RBMS1: variants seen among roughly 807,000 people sequenced by gnomAD.
RBMS1 encodes RNA-binding motif, single-stranded-interacting protein 1.
Under a neutral mutation model 62.3 loss-of-function variants are expected in RBMS1, and 17 were observed. The observed-to-expected ratio is 0.27, with a 90% CI of 0.19 to 0.41. The LOEUF is 0.41. Ranked by LOEUF, RBMS1 falls within the 10% of genes least tolerant of loss-of-function variation. RBMS1 has a pLI of 1.00. For missense variants in RBMS1, 334 were observed against 504.5 expected, an observed-to-expected ratio of 0.66 and a Z score of 3.24; for synonymous variants, 172 against 170.0, an observed-to-expected ratio of 1.01 and a Z score of -0.09.
At chr2:160,449,594 A>G (rs1053119448) in intron 1 of RBMS1, among the ~76,000 whole-genome samples, 3 of 152,140 alleles carry the variant, frequency 2.0e-5, no homozygotes, top group African/African-American at 7.2e-5. Context: ...GGGCGGTGCA[A>G]GATGTGCTTT....
At chr2:160,275,397 T>A (rs1687781047) in intron 13 of RBMS1, 1 of 608,210 alleles carries the variant, frequency 1.6e-6, no homozygotes, top group African/African-American at 1.9e-5. Context: ...TTCTTTTTAG[T>A]GGGGAGAGTA....
intron 2 of RBMS1, among the ~76,000 whole-genome samples, chr2:160,324,136 G>A (rs1251059322): frequency 6.6e-6 from 1 of 152,206 alleles, no homozygotes; most frequent in Non-Finnish European, 1.5e-5. Flanking sequence ...AAGAAAAGTA[G>A]GTTGAAAAAT....
At chr2:160,327,966 T>C (rs1025122608) in intron 2 of RBMS1, among the ~76,000 whole-genome samples, 1 of 152,248 alleles carries the variant, frequency 6.6e-6, no homozygotes, top group African/African-American at 2.4e-5. Context: ...TAATGTATTT[T>C]CTTTGCTTTG....
At chr2:160,404,361 C>G (rs1466653989) in intron 1 of RBMS1, among the ~76,000 whole-genome samples, 1 of 152,160 alleles carries the variant, frequency 6.6e-6, no homozygotes, top group Non-Finnish European at 1.5e-5. Context: ...ACCACCGCTG[C>G]TTTAACTGAA....
chr2:160,389,560 G>C (rs1217229426), intron 1 of RBMS1, among the ~76,000 whole-genome samples: 1 of 151,546 alleles, frequency 6.6e-6, no homozygotes, highest in African/African-American at 2.4e-5. Context: ...TAGCCAGGCG[G>C]GGTGGCGCAC....
intron 1 of RBMS1, among the ~76,000 whole-genome samples, chr2:160,466,824 G>A (rs186248746): frequency 9.6e-4 from 146 of 152,288 alleles, no homozygotes; most frequent in African/African-American, 2.6e-3. Context: ...GAAGTGTGAC[G>A]GAGGTTTCAA....
intron 1 of RBMS1, among the ~76,000 whole-genome samples, chr2:160,372,707 A>T (rs1271572192): frequency 1.3e-5 from 2 of 152,226 alleles, no homozygotes; most frequent in East Asian, 1.9e-4. Context: ...CCTTTTGGCC[A>T]TATGAGTGAC....
chr2:160,478,622 A>T (rs367597319), intron 1 of RBMS1, among the ~76,000 whole-genome samples: 2 of 152,210 alleles, frequency 1.3e-5, no homozygotes, highest in African/African-American at 4.8e-5. Context: ...AATCTTTTGT[A>T]AATTGTGGAA....
chr2:160,360,795 C>G (rs972053453), intron 2 of RBMS1, among the ~76,000 whole-genome samples: 49 of 152,186 alleles, frequency 3.2e-4, no homozygotes, highest in Admixed American at 2.6e-4. Context: ...TCTGGCTTCT[C>G]CCAGTACACC....
chr2:160,424,806 G>A (rs916547427), intron 1 of RBMS1, among the ~76,000 whole-genome samples: 1 of 152,106 alleles, frequency 6.6e-6, no homozygotes, highest in Non-Finnish European at 1.5e-5. Context: ...GCAAAGGGAT[G>A]AAGAATTGAG....
chr2:160,493,085 C>G (rs1048192185), intron 1 of RBMS1: 2 of 549,768 alleles, frequency 3.6e-6, no homozygotes, highest in Non-Finnish European at 6.3e-6. Flanking sequence ...TTCTGTAACC[C>G]GATCCCCGCA....
chr2:160,358,833 C>T (rs1372389029), intron 2 of RBMS1, among the ~76,000 whole-genome samples: 1 of 151,884 alleles, frequency 6.6e-6, no homozygotes, highest in Non-Finnish European at 1.5e-5. Context: ...GAACTATTTG[C>T]CCACAACCCT....
intron 1 of RBMS1, among the ~76,000 whole-genome samples, chr2:160,407,152 G>C (rs1695769222): frequency 6.6e-6 from 1 of 152,182 alleles, no homozygotes; most frequent in Admixed American, 6.5e-5. Flanking sequence ...TACACACAAA[G>C]GTTTTGGGAA....
rs1559621344 is a variant in RBMS1, at chr2:160,493,521, G to A, written c.-158C>T. The A allele has an allele frequency of 3.2e-6, 2 of 621,544 alleles. No individual in the cohort carries two copies. Among genetic ancestry groups the A allele is most frequent in the South Asian group, 1.8e-5 (1 of 54,486 alleles). 38.5% of individuals were successfully genotyped at this position (621,544 alleles called of 1,614,324 possible). On this transcript the variant is annotated 5_prime_UTR_variant, in exon 1 of 14. It adds an upstream start codon to the 5' untranslated region. Transcript: ENST00000348849. ...CTCCACCTCCCAGCCGGGACCAGACGTCCTCCTCCTCCTCCTCCTCTTCCT... is the reference window on the plus strand; with the variant it reads ...CTCCACCTCCCAGCCGGGACCAGACATCCTCCTCCTCCTCCTCCTCTTCCT...
intron 1 of RBMS1, among the ~76,000 whole-genome samples, chr2:160,371,487 C>A (rs755106001): frequency 5.3e-5 from 8 of 152,166 alleles, no homozygotes; most frequent in Non-Finnish European, 1.0e-4. Flanking sequence ...CTAATTTTTC[C>A]TGTTATCAGG....
At chr2:160,375,138 T>C (rs1222928457) in intron 1 of RBMS1, among the ~76,000 whole-genome samples, 2 of 152,074 alleles carry the variant, frequency 1.3e-5, no homozygotes, top group Non-Finnish European at 2.9e-5. Flanking sequence ...GACAGTGCCA[T>C]CTCCAGATAA....
intron 6 of RBMS1, among the ~76,000 whole-genome samples, chr2:160,294,376 T>A (rs1421821198): frequency 1.3e-5 from 2 of 152,144 alleles, no homozygotes; most frequent in African/African-American, 4.8e-5. Context: ...TGTAACCATG[T>A]GCTTTATTAT....
At chr2:160,472,986 T>C (rs1335893410) in intron 1 of RBMS1, among the ~76,000 whole-genome samples, 2 of 152,226 alleles carry the variant, frequency 1.3e-5, no homozygotes, top group Non-Finnish European at 2.9e-5. Context: ...TCAACTATGT[T>C]GTTTAATTGT....
rs1302370510 is a variant in RBMS1 at position 160,324,692 on chromosome 2, T to G, written c.252-6465A>C. Reference sequence around the variant, plus strand: ...GTAAAAGACGCTGTGCCTATGTATATGACCATAATTAGCAAGTAGGAGGGA... The same window carrying G: ...GTAAAAGACGCTGTGCCTATGTATAGGACCATAATTAGCAAGTAGGAGGGA... On this transcript the variant is annotated intron_variant, in intron 2 of 13. Coordinates refer to ENST00000348849, the MANE Select transcript of RBMS1 (RefSeq NM_016836.4). Among the ~76,000 whole-genome samples the G allele has an allele frequency of 2.0e-5, 3 of 151,634 alleles. No individual in the cohort carries two copies. The East Asian group carries it at 5.8e-4, about 29-fold the overall frequency.
Sources: gnomAD v4.1 joint callset for allele counts (sites outside exome capture counted in the v4.1 genomes callset) on GRCh38, gnomAD v4.1.1 for gene constraint, MANE v1.5 for transcripts, NCBI Gene and HGNC (gene_info 2026-07-23, HGNC 2026-07-21) for gene names.